Variants in EMCN observed in about 807,000 individuals in gnomAD.
The protein encoded by EMCN is endomucin.
Under a neutral mutation model 38.4 loss-of-function variants are expected in EMCN, and 37 were observed. That is an observed-to-expected ratio of 0.96 (90% CI 0.74 to 1.27). The LOEUF (loss-of-function observed/expected upper bound fraction) is 1.27. EMCN is among the 50% of genes most tolerant of loss of function. The pLI is 0.00. For synonymous variants in EMCN, 95 were observed against 100.8 expected, an observed-to-expected ratio of 0.94 and a Z score of 0.35; for missense variants, 318 against 302.8, an observed-to-expected ratio of 1.05 and a Z score of -0.37.
At chr4:100,432,951 T>C (rs928116459) in intron 5 of EMCN, among the ~76,000 whole-genome samples, 34 of 152,206 alleles carry the variant, frequency 2.2e-4, no homozygotes, top group Non-Finnish European at 4.6e-4. Context: ...AATCATCTTA[T>C]ATAATTATAC....
intron 4 of EMCN, among the ~76,000 whole-genome samples, chr4:100,457,579 C>T (rs1473469871): frequency 6.6e-6 from 1 of 152,122 alleles, no homozygotes; most frequent in African/African-American, 2.4e-5. Flanking sequence ...GACCTTCATT[C>T]TGTTAATGTG....
chr4:100,499,752 G>T (rs1454704438), intron 1 of EMCN, among the ~76,000 whole-genome samples: 1 of 152,088 alleles, frequency 6.6e-6, no homozygotes, highest in Non-Finnish European at 1.5e-5. Context: ...TCAATTTAGT[G>T]GCACAACAGA....
intron 1 of EMCN, among the ~76,000 whole-genome samples, chr4:100,502,187 G>A (rs536512286): frequency 3.9e-5 from 6 of 152,254 alleles, no homozygotes; most frequent in Non-Finnish European, 5.9e-5. Flanking sequence ...CATAGCTCAC[G>A]AAGAGCCTGG....
At chr4:100,417,005 A>G (rs1726754737) in intron 9 of EMCN, 112 bp downstream of exon 9, 2 of 1,043,582 alleles carry the variant, frequency 1.9e-6, no homozygotes, top group Non-Finnish European at 3.0e-6. Flanking sequence ...TAAAGCCAAT[A>G]TGTAGATTTT....
At chr4:100,434,056 A>G (rs1727279162) in intron 5 of EMCN, among the ~76,000 whole-genome samples, 2 of 152,154 alleles carry the variant, frequency 1.3e-5, no homozygotes, top group South Asian at 4.1e-4. Context: ...ACAGAACGAA[A>G]AAACCTTCAA....
chr4:100,465,835 G>A (rs1728300396), intron 3 of EMCN, among the ~76,000 whole-genome samples: 1 of 152,042 alleles, frequency 6.6e-6, no homozygotes, highest in Admixed American at 6.6e-5. Flanking sequence ...AAGACTCAGA[G>A]GAATTAAATA....
intron 1 of EMCN, among the ~76,000 whole-genome samples, chr4:100,514,888 A>G (rs186363403): frequency 1.7e-4 from 26 of 152,208 alleles, no homozygotes; most frequent in Admixed American, 1.5e-3. Context: ...AAAGCCTACA[A>G]TATAGCCAAA....
intron 3 of EMCN, among the ~76,000 whole-genome samples, chr4:100,467,624 G>C (rs1016377844): frequency 6.7e-6 from 1 of 148,970 alleles, no homozygotes; most frequent in African/African-American, 2.5e-5. Context: ...GGAGCTTGCA[G>C]TGAGCCGGGA....
chr4:100,477,065 T>C (rs1728680767), intron 2 of EMCN, among the ~76,000 whole-genome samples: 1 of 152,202 alleles, frequency 6.6e-6, no homozygotes, highest in Admixed American at 6.5e-5. Context: ...CTGTGTGAGA[T>C]AGGTGGCCAA....
At chr4:100,456,587 A>T (rs958629265) in intron 4 of EMCN, among the ~76,000 whole-genome samples, 1 of 152,144 alleles carries the variant, frequency 6.6e-6, no homozygotes, top group African/African-American at 2.4e-5. Flanking sequence ...TTTGACACAT[A>T]AGTTACTGTA....
At chr4:100,466,096 G>GA (rs3836628) in intron 3 of EMCN, among the ~76,000 whole-genome samples, 2 of 151,282 alleles carry the variant, frequency 1.3e-5, no homozygotes, top group Non-Finnish European at 3.0e-5. Context: ...ATTTTTCTTT[G>GA]AAAAAAAAAT....
chr4:100,428,511 T>C (rs999064483), intron 5 of EMCN, among the ~76,000 whole-genome samples: 1 of 152,132 alleles, frequency 6.6e-6, no homozygotes, highest in Non-Finnish European at 1.5e-5. Context: ...TTGGGTATAG[T>C]TTACTTTCCC....
At chr4:100,453,555 C>T (rs1199515147) in intron 4 of EMCN, among the ~76,000 whole-genome samples, 1 of 152,130 alleles carries the variant, frequency 6.6e-6, no homozygotes, top group Non-Finnish European at 1.5e-5. Flanking sequence ...GAAATAGGAA[C>T]ACTTTTACAC....
At chr4:100,506,672 G>A (rs1578238551) in intron 1 of EMCN, among the ~76,000 whole-genome samples, 2 of 151,914 alleles carry the variant, frequency 1.3e-5, no homozygotes, top group South Asian at 2.1e-4. Flanking sequence ...ATATTTATAT[G>A]GTCATAAAAC....
chr4:100,487,906 G>C (rs1341833853), intron 1 of EMCN, among the ~76,000 whole-genome samples: 1 of 152,150 alleles, frequency 6.6e-6, no homozygotes, highest in Non-Finnish European at 1.5e-5. Context: ...AACTTCAAAG[G>C]TAGCCACTTA....
chr4:100,469,620 A>AAT (rs1168411419), intron 3 of EMCN, among the ~76,000 whole-genome samples: 12 of 61,406 alleles, frequency 2.0e-4, no homozygotes, highest in South Asian at 1.1e-3. Context: ...GGTGTAAAGA[A>AAT]GGGGTACAGT....
At chr4:100,413,524 A>C (rs1726624701) in intron 10 of EMCN, among the ~76,000 whole-genome samples, 1 of 152,224 alleles carries the variant, frequency 6.6e-6, no homozygotes, top group Admixed American at 6.5e-5. Context: ...TGCAGTGGGA[A>C]GAAATTTGTT....
intron 3 of EMCN, among the ~76,000 whole-genome samples, chr4:100,472,420 C>G (rs1258929892): frequency 6.6e-6 from 1 of 151,798 alleles, no homozygotes; most frequent in African/African-American, 2.4e-5. Context: ...TAAGTTTAAG[C>G]CTTCCACACT....
Position 100,517,974 on chromosome 4 carries a change from C to G in EMCN, c.-60G>C. On this transcript the variant is annotated 5_prime_UTR_variant, in exon 1 of 12. Coordinates refer to ENST00000296420, the MANE Select transcript of EMCN (RefSeq NM_016242.4). ...CAGAAGCAGGCAGGGACAATTCCCT[C>G]CCAGCCTGGCAGGGCCTTATTAGCA... is the stretch of plus-strand genomic sequence containing the variant. 1.3e-6 allele frequency: 2 copies of G among 1,536,472 alleles called. No individual in the cohort carries two copies. Among genetic ancestry groups the G allele is most frequent in the Non-Finnish European group, 1.8e-6 (2 of 1,110,020 alleles).
Sources: allele counts gnomAD v4.1 joint callset (sites outside exome capture counted in the v4.1 genomes callset), GRCh38; gene constraint gnomAD v4.1.1; transcripts MANE v1.5; gene names NCBI Gene and HGNC (gene_info 2026-07-23, HGNC 2026-07-21).